Variants in SPTBN5 observed in about 807,000 individuals in gnomAD.
SPTBN5 encodes the protein spectrin beta chain, non-erythrocytic 5.
Under a neutral mutation model 477.6 loss-of-function variants are expected in SPTBN5, and 513 were observed. That is an observed-to-expected ratio of 1.07 (90% CI 1.00 to 1.16). The LOEUF is 1.16. Ranked by LOEUF, SPTBN5 falls within the 50% of genes most tolerant of loss-of-function variation. The pLI, the probability that SPTBN5 is intolerant of heterozygous loss-of-function variation, is 0.00. For synonymous variants in SPTBN5, 2,169 were observed against 2,011.7 expected, an observed-to-expected ratio of 1.08 and a Z score of -2.09; for missense variants, 5,062 against 4,731.8, an observed-to-expected ratio of 1.07 and a Z score of -2.05.
rs747443406 is a variant in SPTBN5, at chr15:41,874,488, G to C, written c.4503-10C>G. 1.3e-6 allele frequency: 2 copies of C among 1,595,700 alleles called. No homozygotes were observed. The highest frequency in any genetic ancestry group is 2.7e-5 in the African/African-American group (2 of 74,212). On this transcript the variant is annotated splice_polypyrimidine_tract_variant and intron_variant, in intron 23 of 67. Coordinates refer to ENST00000320955, the MANE Select transcript of SPTBN5 (RefSeq NM_016642.4). Reference sequence around the variant, plus strand: ...CTGCAGAAGCTCCAGCCTAGGAGGAGGAGGAAGAGATTGGAGAGGTTGGGA... The same window carrying C: ...CTGCAGAAGCTCCAGCCTAGGAGGACGAGGAAGAGATTGGAGAGGTTGGGA...
In SPTBN5 at chr15:41,879,791, T is replaced by C; in HGVS notation, c.2885A>G (p.Gln962Arg). 6.2e-7 allele frequency: 1 copy of C among 1,613,978 alleles called. No homozygotes were observed. The highest frequency in any genetic ancestry group is 8.5e-7 in the Non-Finnish European group (1 of 1,179,840). The change falls in exon 15 of 68, where the codon CAG (glutamine) becomes CGG (arginine). Residue 962 changes from glutamine (Q) to arginine (R), a missense_variant. Transcript: ENST00000320955. ...TTGTGTGGAGTTCCCAGGATATCTC[T>C]GCCTCAGTTGCTCAGCAGAGCTGCT... is the stretch of plus-strand genomic sequence containing the variant. ...EVSSSAEQLR[Q>R]RYPGNSTQIQ...
chr15:41,871,112 G>A (rs1209450109), intron 29 of SPTBN5, among the ~76,000 whole-genome samples: 1 of 152,224 alleles, frequency 6.6e-6, no homozygotes, highest in East Asian at 1.9e-4. Context: ...AGGCCCTGAT[G>A]TCTGGCCCCA....
At chr15:41,872,804 CAA>C (rs2066592204) in intron 26 of SPTBN5, among the ~76,000 whole-genome samples, 1 of 152,214 alleles carries the variant, frequency 6.6e-6, no homozygotes, top group Non-Finnish European at 1.5e-5. Context: ...CAGAGTTAAA[CAA>C]GCTGTCCAGT....
Position 41,851,737 on chromosome 15 carries a change from C to T in SPTBN5, c.10656+42G>A, listed in dbSNP as rs998834612. On this transcript the variant is annotated intron_variant, in intron 63 of 67. Coordinates refer to ENST00000320955, the MANE Select transcript of SPTBN5 (RefSeq NM_016642.4). Reference sequence around the variant, plus strand: ...TCTTCGAGCCACTCAAGTGCTGCTGCAAGTGGGGAGCTGCCTGGAGAAGGA... The same window carrying T: ...TCTTCGAGCCACTCAAGTGCTGCTGTAAGTGGGGAGCTGCCTGGAGAAGGA... 4.7e-6 allele frequency: 7 copies of T among 1,505,010 alleles called. No homozygotes were observed. In the African/African-American group the frequency reaches 5.5e-5, roughly 12 times the overall value. The allele number at this position is 1,505,010 out of a possible 1,614,324, so 93.2% of individuals were successfully genotyped here. A position where few individuals can be genotyped will look rare whatever the true frequency, so the allele number is the denominator to read the frequency against.
Position 41,857,596 on chromosome 15 carries a change from C to A in SPTBN5, c.8341G>T (p.Ala2781Ser), listed in dbSNP as rs1411373687. Reference sequence around the variant, plus strand: ...ACCTCACAGGCCTTCTGGAGCTTGGCCACCTTCTTCTGGGAGTTGTCTTGC... The same window carrying A: ...ACCTCACAGGCCTTCTGGAGCTTGGACACCTTCTTCTGGGAGTTGTCTTGC... Reference protein sequence around the residue: ...ELQDNSQKKVAKLQKACEALR... With the variant: ...ELQDNSQKKVSKLQKACEALR... Residue 2781 changes from alanine (A) to serine (S), a missense_variant, in exon 50 of 68, where the codon GCC becomes TCC. Physicochemically the swap from Ala to Ser is moderately conservative, Grantham distance 99. Transcript: ENST00000320955. 6.2e-7 allele frequency: 1 copy of A among 1,608,770 alleles called. No individual in the cohort carries two copies. Among genetic ancestry groups the A allele is most frequent in the African/African-American group, 1.3e-5 (1 of 75,012 alleles).
intron 3 of SPTBN5, 98 bp from the exon 4 acceptor site, chr15:41,890,303 C>T (rs1202430499): frequency 1.5e-5 from 12 of 796,230 alleles, no homozygotes; most frequent in Non-Finnish European, 1.1e-5. Flanking sequence ...TGGGAGCATC[C>T]TGGAATCTAT....
chr15:41,867,507 T>A (rs2066367273), intron 35 of SPTBN5, 31 bp downstream of exon 35: 1 of 1,603,958 alleles, frequency 6.2e-7, no homozygotes, highest in Non-Finnish European at 8.5e-7. Flanking sequence ...CACCACACTC[T>A]GACCACGCCC....
At chr15:41,875,339 A>C (rs1007157482) in intron 22 of SPTBN5, 119 bp downstream of exon 22, 2 of 1,261,880 alleles carry the variant, frequency 1.6e-6, no homozygotes, top group Non-Finnish European at 2.1e-6. Flanking sequence ...CTAGGCCAGA[A>C]GCCTCCAGAG....
chr15:41,855,715 G>A lies in SPTBN5; in HGVS notation c.9052C>T (p.Arg3018Trp), dbSNP rs376262153. The A allele has an allele frequency of 1.3e-4, 203 of 1,589,434 alleles. No individual in the cohort carries two copies. The highest frequency in any genetic ancestry group is 7.1e-4 in the Admixed American group (41 of 58,028). The change falls in exon 54 of 68, where the codon CGG (arginine) becomes TGG (tryptophan). Residue 3018 changes from arginine to tryptophan, a missense_variant. Arg to Trp is a moderately radical substitution (Grantham distance 101). Transcript: ENST00000320955. ...TCCTCGCTGTCCAGGACATGGCCCC[G>A]CTCAGCCAGCCAGGATCCCGCCTCC... ...LLEAGSWLAE[R>W]GHVLDSEDMG...
intron 3 of SPTBN5, among the ~76,000 whole-genome samples, chr15:41,890,971 A>G (rs1360604069): frequency 2.0e-5 from 3 of 152,196 alleles, no homozygotes; most frequent in African/African-American, 7.2e-5. Context: ...TAAGCACAGG[A>G]CTTCAGGCCT....
chr15:41,891,140 C>T (rs1446818991), intron 3 of SPTBN5, among the ~76,000 whole-genome samples: 2 of 152,240 alleles, frequency 1.3e-5, no homozygotes, highest in Non-Finnish European at 2.9e-5. Flanking sequence ...TACACACTCT[C>T]GATCCCCTTG....
In SPTBN5 at chr15:41,879,459, G is replaced by C; in HGVS notation, c.2983C>G (p.Gln995Glu). The change falls in exon 16 of 68, where the codon CAG becomes GAG. Residue 995 changes from glutamine to glutamate, a missense_variant. Physicochemically the swap from Gln to Glu is conservative, Grantham distance 29. Coordinates refer to ENST00000320955, the MANE Select transcript of SPTBN5 (RefSeq NM_016642.4). ...CACACTTCCACACTGTGTGCCAGCT[G>C]CACGGCCTTCTCCCTCTTCAGGGCC... ...LEALKREKAV[Q>E]LAHSVEVCSF... 1 of 1,596,214 alleles carries C rather than the reference G, an allele frequency of 6.3e-7. No individual in the cohort carries two copies. The highest frequency in any genetic ancestry group is 8.5e-7 in the Non-Finnish European group (1 of 1,173,304).
rs746453745 is a variant in SPTBN5 at position 41,855,270 on chromosome 15, G to A, written c.9377C>T (p.Ala3126Val). 2.5e-6 allele frequency: 4 copies of A among 1,612,288 alleles called. No individual in the cohort carries two copies. The highest frequency in any genetic ancestry group is 1.3e-5 in the African/African-American group (1 of 74,944). The change falls in exon 55 of 68, where the codon GCC (alanine) becomes GTC (valine). Residue 3126 changes from alanine (A) to valine (V), a missense_variant. By Grantham distance (64) the Ala-to-Val change is moderately conservative (BLOSUM62 0). Transcript: ENST00000320955. ...CCCGTAGTCCTGGGACTCGGCGGTG[G>A]CCGCCTTGGTGGTCAGCCAGGCGTC... ...LLDAWLTTKA[A>V]TAESQDYGQD...
Position 41,853,000 on chromosome 15 carries a change from C to G in SPTBN5, c.10171G>C (p.Val3391Leu). The change falls in exon 60 of 68, where the codon GTG becomes CTG. Residue 3391 changes from valine (V) to leucine (L), a missense_variant and splice_region_variant. Transcript: ENST00000320955. ...TCCAGCTCCTGCAGGCACTCTGTCA[C>G]CTGGTGGGGAGGGGCTGCTATGGGT... is the stretch of plus-strand genomic sequence containing the variant. ...VDNSHFMSAE[V>L]TECLQELEGR... is the part of the protein sequence containing the mutation. 6.5e-7 allele frequency: 1 copy of G among 1,528,728 alleles called. No individual in the cohort carries two copies. Among genetic ancestry groups the G allele is most frequent in the African/African-American group, 1.4e-5 (1 of 72,664 alleles). The allele number at this position is 1,528,728 out of a possible 1,614,324, so 94.7% of individuals were successfully genotyped here.
rs374130820 is a variant in SPTBN5 at position 41,862,187 on chromosome 15, G to C, written c.7491C>G (p.Pro2497=). 1.2e-6 allele frequency: 2 copies of C among 1,608,976 alleles called. No homozygotes were observed. Among genetic ancestry groups the C allele is most frequent in the Non-Finnish European group, 8.5e-7 (1 of 1,177,512 alleles). ...GGGCTTCCACAGGGCTGCGAGGAGC[G>C]GGGCTCGTGTCCATCTGAGCCCGCA... ...QRLRAQMDTS[P]APRSPVEARR... Residue 2497 remains proline, a synonymous_variant, in exon 44 of 68, where the codon CCC becomes CCG. Coordinates refer to ENST00000320955, the MANE Select transcript of SPTBN5 (RefSeq NM_016642.4).
chr15:41,878,642 G>T lies in SPTBN5; in HGVS notation c.3183-13C>A, dbSNP rs746736397. The T allele has an allele frequency of 3.7e-6, 6 of 1,606,026 alleles. No homozygotes were observed. The Admixed American group carries it at 1.0e-4, about 27-fold the overall frequency. On this transcript the variant is annotated splice_polypyrimidine_tract_variant and intron_variant, in intron 16 of 67. Transcript: ENST00000320955. ...TGGCTCCTCGACCCTGGGAGACAGG[G>T]TGCGCTGCACAGTCAGTGCCCTGTC...
chr15:41,852,080 A>C, intron 62 of SPTBN5, 102 bp downstream of exon 62: 1 of 1,426,272 alleles, frequency 7.0e-7, no homozygotes, highest in Non-Finnish European at 9.4e-7. Flanking sequence ...GGCTCCCAGC[A>C]CTGGCTCCAG....
At chr15:41,886,642 C>T (rs2067161656) in intron 6 of SPTBN5, among the ~76,000 whole-genome samples, 1 of 152,164 alleles carries the variant, frequency 6.6e-6, no homozygotes, top group Non-Finnish European at 1.5e-5. Context: ...GGTTGAGGCC[C>T]TTCAGGCTGC....
At position 41,855,364 on chromosome 15, in the gene SPTBN5, C is replaced by A. The variant is rs760791380; in HGVS notation, c.9283G>T (p.Glu3095Ter). Residue 3095 changes from glutamate to a stop codon, truncating the protein, a stop_gained, in exon 55 of 68, where the codon GAG becomes TAG. Transcript: ENST00000320955. LOFTEE classifies it high-confidence loss of function. ...EAHAELLRRAEARGHGLQEQL... is the reference protein window; with the variant it reads ...EAHAELLRRA The stretch of plus-strand genomic sequence containing the variant: ...TCCTGCAGGCCGTGCCCCCTGGCCT[C>A]CGCCCTCCGCAGCAGCTCTGCGTGG... The A allele has an allele frequency of 4.4e-6, 7 of 1,605,330 alleles. No homozygotes were observed. The South Asian group carries it at 7.7e-5, about 18-fold the overall frequency.
Sources: gnomAD v4.1 joint callset for allele counts (sites outside exome capture counted in the v4.1 genomes callset) on GRCh38, gnomAD v4.1.1 for gene constraint, MANE v1.5 for transcripts, NCBI Gene and HGNC (gene_info 2026-07-23, HGNC 2026-07-21) for gene names.